ZNF618: variants seen among roughly 807,000 people sequenced by gnomAD.
ZNF618 encodes neural precursor cell expressed, developmentally down-regulated 10.
A neutral mutation model predicts 103.0 loss-of-function variants in ZNF618; 34 were observed. The observed-to-expected ratio is 0.33, with a 90% CI of 0.25 to 0.44. ZNF618 has a LOEUF of 0.44. Among genes scored for constraint, ZNF618 ranks in the 20% least tolerant of loss-of-function variants. ZNF618 has a pLI of 1.00. For missense variants in ZNF618, 1,059 were observed against 1,295.4 expected, an observed-to-expected ratio of 0.82 and a Z score of 2.80; for synonymous variants, 551 against 542.2, an observed-to-expected ratio of 1.02 and a Z score of -0.23.
intron 1 of ZNF618, among the ~76,000 whole-genome samples, chr9:113,963,662 A>C (rs1056940483): frequency 5.3e-5 from 8 of 152,238 alleles, no homozygotes; most frequent in African/African-American, 1.9e-4. Flanking sequence ...TTTGAGGTCA[A>C]TTGATATATT....
intron 13 of ZNF618, among the ~76,000 whole-genome samples, chr9:114,047,602 T>C (rs1425316357): frequency 6.6e-6 from 1 of 152,130 alleles, no homozygotes; most frequent in South Asian, 2.1e-4. Flanking sequence ...GCTTCCCATT[T>C]CCAGAGAGTT....
chr9:113,968,174 C>T (rs569182590), intron 1 of ZNF618, among the ~76,000 whole-genome samples: 44 of 152,244 alleles, frequency 2.9e-4, no homozygotes, highest in Admixed American at 4.6e-4. Flanking sequence ...GTTTTGTTGA[C>T]GTTTATCCTA....
chr9:113,963,217 G>A (rs1837031233), intron 1 of ZNF618, among the ~76,000 whole-genome samples: 1 of 152,216 alleles, frequency 6.6e-6, no homozygotes, highest in Non-Finnish European at 1.5e-5. Context: ...CCCCCTGCAG[G>A]CCTCCAGGTT....
chr9:114,053,715 TCTGGCACAGTTCTCCACTTCCCGATTC>T lies in ZNF618; in HGVS notation c.*3554_*3580del, dbSNP rs1846280708. 1.3e-5 allele frequency: 2 copies of T among 152,174 alleles called. No individual in the cohort carries two copies. Among genetic ancestry groups the T allele is most frequent in the Non-Finnish European group, 2.9e-5 (2 of 68,084 alleles). 9.4% of individuals were successfully genotyped at this position (152,174 alleles called of 1,614,324 possible). On this transcript the variant is annotated 3_prime_UTR_variant, in exon 15 of 15. Coordinates refer to ENST00000374126, the MANE Select transcript of ZNF618 (RefSeq NM_001318042.2). ...CTGGGCCACGGGTGGATGCCTTTGTTCTGGCACAGTTCTCCACTTCCCGATTCCTGGCTCAGCCAGCCAGGCCTCCCT... is the reference window on the plus strand; with the variant it reads ...CTGGGCCACGGGTGGATGCCTTTGTTCTGGCTCAGCCAGCCAGGCCTCCCT...
chr9:114,032,776 G>T (rs148307919), intron 12 of ZNF618, 48 bp downstream of exon 12: 4 of 1,564,110 alleles, frequency 2.6e-6, no homozygotes, highest in Non-Finnish European at 3.5e-6. Flanking sequence ...TGCCAGCTTC[G>T]CCCGCTCCCC....
chr9:114,007,879 ACCTTG>A (rs756722022), intron 7 of ZNF618, among the ~76,000 whole-genome samples: 7 of 152,290 alleles, frequency 4.6e-5, no homozygotes, highest in Admixed American at 6.5e-5. Context: ...AGGGTCTTAG[ACCTTG>A]GAAGGGCCTT....
chr9:113,991,289 C>G (rs568483360), intron 3 of ZNF618, among the ~76,000 whole-genome samples: 47 of 152,328 alleles, frequency 3.1e-4, no homozygotes, highest in African/African-American at 1.0e-3. Flanking sequence ...GAGGCATGGC[C>G]CCTGTCCCGG....
intron 9 of ZNF618, among the ~76,000 whole-genome samples, chr9:114,011,028 A>G (rs915467101): frequency 2.0e-5 from 3 of 152,178 alleles, no homozygotes; most frequent in African/African-American, 7.2e-5. Context: ...CTCACCAAGC[A>G]CCTGGCTCAT....
intron 1 of ZNF618, among the ~76,000 whole-genome samples, chr9:113,916,072 CTGTGTGTGTG>C (rs34639802): frequency 1.0e-4 from 15 of 149,800 alleles, no homozygotes; most frequent in Admixed American, 8.0e-4. Context: ...GCGCGTGTGT[CTGTGTGTGTG>C]TGTGTGTGTG....
intron 6 of ZNF618, among the ~76,000 whole-genome samples, chr9:114,006,229 G>A (rs889025055): frequency 2.6e-5 from 4 of 152,218 alleles, no homozygotes; most frequent in Non-Finnish European, 5.9e-5. Context: ...GGGGGACCAG[G>A]AGAGAGGTAC....
intron 1 of ZNF618, among the ~76,000 whole-genome samples, chr9:113,889,008 C>T (rs568728777): frequency 7.9e-5 from 12 of 152,102 alleles, no homozygotes; most frequent in Non-Finnish European, 1.0e-4. Context: ...CTCCAATCAG[C>T]GCCAGTTCAT....
chr9:113,999,756 G>A (rs958494744), intron 4 of ZNF618, among the ~76,000 whole-genome samples: 3 of 152,252 alleles, frequency 2.0e-5, no homozygotes, highest in East Asian at 1.9e-4. Flanking sequence ...ATCATCGTGC[G>A]TTGTCCCTGT....
intron 2 of ZNF618, among the ~76,000 whole-genome samples, chr9:113,983,375 T>G (rs1006541): frequency 0.58 from 88,549 of 152,070 alleles, 26,012 homozygotes; most frequent in Middle Eastern, 0.78. Flanking sequence ...TTTGTAAATC[T>G]AAAGCCTAGA....
intron 1 of ZNF618, among the ~76,000 whole-genome samples, chr9:113,926,072 T>A (rs961628342): frequency 1.3e-5 from 2 of 152,086 alleles, no homozygotes; most frequent in African/African-American, 4.8e-5. Context: ...GGCAACAAAT[T>A]CCCTCAAATT....
At chr9:113,966,540 A>G (rs1183747060) in intron 1 of ZNF618, among the ~76,000 whole-genome samples, 1 of 152,186 alleles carries the variant, frequency 6.6e-6, no homozygotes, top group African/African-American at 2.4e-5. Flanking sequence ...ATGTATTTGT[A>G]AGGACAGACC....
chr9:114,018,527 T>A (rs373991428), intron 10 of ZNF618, among the ~76,000 whole-genome samples: 41 of 152,292 alleles, frequency 2.7e-4, no homozygotes, highest in South Asian at 1.5e-3. Context: ...ACAAGTTGAG[T>A]AAGGCCATGG....
At chr9:113,913,496 C>G (rs1255780168) in intron 1 of ZNF618, among the ~76,000 whole-genome samples, 2 of 152,256 alleles carry the variant, frequency 1.3e-5, no homozygotes, top group African/African-American at 4.8e-5. Flanking sequence ...GAGGGGGCGA[C>G]AGCCCTACCC....
Position 113,878,170 on chromosome 9 carries a change from T to TG in ZNF618, c.33+1763dup, listed in dbSNP as rs985748884. On this transcript the variant is annotated intron_variant, in intron 1 of 14. Coordinates refer to ENST00000374126, the MANE Select transcript of ZNF618 (RefSeq NM_001318042.2). The stretch of plus-strand genomic sequence containing the variant: ...AAAAATCCATTAGCCTTGATCATTT[T>TG]GGGGGGTTTGTGACCAAAAAAAAAA... Among the ~76,000 whole-genome samples the TG allele has an allele frequency of 4.1e-5, 4 of 98,038 alleles. No homozygotes were observed. The East Asian group carries it at 1.2e-3, about 29-fold the overall frequency. 64.3% of individuals were successfully genotyped at this position (98,038 alleles called of 152,430 possible). A position where few individuals can be genotyped will look rare whatever the true frequency, so the allele number is the denominator to read the frequency against.
At chr9:113,999,860 C>T (rs1301240112) in intron 4 of ZNF618, among the ~76,000 whole-genome samples, 1 of 152,142 alleles carries the variant, frequency 6.6e-6, no homozygotes. Flanking sequence ...TGCAGGCACT[C>T]GTAAATTCTT....
Sources: gnomAD v4.1 joint callset for allele counts (sites outside exome capture counted in the v4.1 genomes callset) on GRCh38, gnomAD v4.1.1 for gene constraint, MANE v1.5 for transcripts, NCBI Gene and HGNC (gene_info 2026-07-23, HGNC 2026-07-21) for gene names.